DHCR24: variants seen among roughly 807,000 people sequenced by gnomAD.
The protein encoded by DHCR24 is delta(24)-sterol reductase.
Under a neutral mutation model 61.2 loss-of-function variants are expected in DHCR24, and 28 were observed. The observed-to-expected ratio is 0.46, with a 90% CI of 0.34 to 0.63. DHCR24 has a LOEUF of 0.63. Among genes scored for constraint, DHCR24 ranks in the 20% least tolerant of loss-of-function variants. The pLI, the probability that DHCR24 is intolerant of heterozygous loss-of-function variation, is 0.01. For missense variants in DHCR24, 538 were observed against 679.1 expected (o/e 0.79, Z 2.31); for synonymous variants, 261 against 275.9 (o/e 0.95, Z 0.54).
intron 2 of DHCR24, among the ~76,000 whole-genome samples, chr1:54,881,216 G>A (rs1448061667): frequency 2.0e-5 from 3 of 152,152 alleles, no homozygotes; most frequent in Non-Finnish European, 4.4e-5. Flanking sequence ...GAAAATATTT[G>A]CAAATCATGA....
chr1:54,858,176 T>G (rs1646918152), intron 6 of DHCR24, among the ~76,000 whole-genome samples: 1 of 152,376 alleles, frequency 6.6e-6, no homozygotes, highest in Non-Finnish European at 1.5e-5. Flanking sequence ...TTCCCCCAGC[T>G]GCACAGGGTG....
Position 54,853,713 on chromosome 1 carries a change from T to C in DHCR24, c.1219-101A>G, listed in dbSNP as rs940152156. ...CCACCCAAATGAAGGCTTTGCAGCA[T>C]TCTCAAGACCCCCTCAGGTGCTCTC... On this transcript the variant is annotated intron_variant, in intron 7 of 8. Coordinates refer to ENST00000371269, the MANE Select transcript of DHCR24 (RefSeq NM_014762.4). 3.7e-6 allele frequency: 5 copies of C among 1,353,238 alleles called. No individual in the cohort carries two copies. The East Asian group carries it at 1.2e-4, about 34-fold the overall frequency. 83.8% of individuals were successfully genotyped at this position (1,353,238 alleles called of 1,614,324 possible). A position where few individuals can be genotyped will look rare whatever the true frequency, so the allele number is the denominator to read the frequency against.
rs1210490459 is a variant in DHCR24 at position 54,852,243 on chromosome 1, G to A, written c.1541C>T (p.Ala514Val). 6.2e-7 allele frequency: 1 copy of A among 1,614,208 alleles called. No homozygotes were observed. Among genetic ancestry groups the A allele is most frequent in the Non-Finnish European group, 8.5e-7 (1 of 1,180,044 alleles). The change falls in exon 9 of 9, where the codon GCC becomes GTC. Residue 514 changes from alanine (A) to valine (V), a missense_variant. Coordinates refer to ENST00000371269, the MANE Select transcript of DHCR24 (RefSeq NM_014762.4). ...CAGGCGGGCTCCAGCTCAGTGCCTGGCGGCCTTGCAGATCTTGTCGTACAC... is the reference window on the plus strand; with the variant it reads ...CAGGCGGGCTCCAGCTCAGTGCCTGACGGCCTTGCAGATCTTGTCGTACAC... ...PEVYDKICKAARH is the reference protein window; with the variant it reads ...PEVYDKICKAVRH
intron 5 of DHCR24, among the ~76,000 whole-genome samples, chr1:54,865,889 G>A (rs148620059): frequency 8.7e-4 from 132 of 152,116 alleles, no homozygotes; most frequent in East Asian, 9.7e-4. Context: ...GGCACCAACT[G>A]GTCATGGCAC....
At chr1:54,863,434 C>T (rs11206456) in intron 6 of DHCR24, among the ~76,000 whole-genome samples, 13,678 of 152,224 alleles carry the variant, frequency 0.09, 692 homozygotes, top group Admixed American at 0.11. Context: ...GCCTCTGGTG[C>T]CTGTTTGACC....
At chr1:54,884,065 T>C (rs1046618817) in intron 1 of DHCR24, among the ~76,000 whole-genome samples, 3 of 152,240 alleles carry the variant, frequency 2.0e-5, no homozygotes, top group African/African-American at 4.8e-5. Flanking sequence ...AAAGGTTTTG[T>C]AATGGTGATA....
At chr1:54,864,988 G>A (rs1444085564) in intron 6 of DHCR24, among the ~76,000 whole-genome samples, 11 of 152,168 alleles carry the variant, frequency 7.2e-5, no homozygotes, top group Admixed American at 7.2e-4. Flanking sequence ...ACAGTGCAGG[G>A]ATCTGTCTGC....
At chr1:54,858,148 G>A (rs370361028) in intron 6 of DHCR24, among the ~76,000 whole-genome samples, 13 of 152,360 alleles carry the variant, frequency 8.5e-5, no homozygotes, top group South Asian at 4.1e-4. Flanking sequence ...GCAGATGCCC[G>A]CTCCAGGGAG....
At chr1:54,856,765 A>G (rs759777124) in intron 6 of DHCR24, among the ~76,000 whole-genome samples, 43 of 152,358 alleles carry the variant, frequency 2.8e-4, no homozygotes, top group Non-Finnish European at 4.9e-4. Context: ...TGTCAGAAAG[A>G]TAAATTCCTA....
intron 6 of DHCR24, among the ~76,000 whole-genome samples, chr1:54,861,877 A>G (rs72901600): frequency 0.013 from 1,909 of 152,072 alleles, 42 homozygotes; most frequent in African/African-American, 0.044. Flanking sequence ...AACCATCAAA[A>G]TCCTCTCCCC....
At position 54,883,852 on chromosome 1, in the gene DHCR24, C is replaced by T. The variant is rs1203845670; in HGVS notation, c.232-79G>A. On this transcript the variant is annotated intron_variant, in intron 1 of 8. Coordinates refer to ENST00000371269, the MANE Select transcript of DHCR24 (RefSeq NM_014762.4). The surrounding 1 kb of genome is among the most constrained non-coding windows in gnomAD (Gnocchi z 4.3). ...CCTGCAGCCCTGCTTTCTTCAAGGGCGAGCTGGGAATGATGCCTCCATCAG... is the reference window on the plus strand; with the variant it reads ...CCTGCAGCCCTGCTTTCTTCAAGGGTGAGCTGGGAATGATGCCTCCATCAG... The T allele has an allele frequency of 7.7e-5, 123 of 1,592,316 alleles. 1 individual carries two copies. Among genetic ancestry groups the T allele is most frequent in the Non-Finnish European group, 9.5e-5 (111 of 1,166,344 alleles).
At chr1:54,874,059 G>A (rs1647013517) in intron 4 of DHCR24, among the ~76,000 whole-genome samples, 1 of 152,212 alleles carries the variant, frequency 6.6e-6, no homozygotes, top group Admixed American at 6.5e-5. Context: ...CTGTACACCT[G>A]TACAATGTGT....
At chr1:54,886,456 G>A (rs758865503) in intron 1 of DHCR24, among the ~76,000 whole-genome samples, 3 of 152,010 alleles carry the variant, frequency 2.0e-5, no homozygotes, top group Admixed American at 6.5e-5. Context: ...ACGTTCTCCC[G>A]CCCCTGCCCT....
chr1:54,852,171 C>A lies in DHCR24; in HGVS notation c.*62G>T. The A allele has an allele frequency of 6.2e-7, 1 of 1,605,008 alleles. No individual in the cohort carries two copies. Among genetic ancestry groups the A allele is most frequent in the Non-Finnish European group, 8.5e-7 (1 of 1,173,664 alleles). On this transcript the variant is annotated 3_prime_UTR_variant, in exon 9 of 9. Coordinates refer to ENST00000371269, the MANE Select transcript of DHCR24 (RefSeq NM_014762.4). ...GTGTGGATCTAGGAAAGCAGCCAAG[C>A]TTGAGTGAAGGGAAGATGCCTGACC...
chr1:54,871,760 G>C, intron 4 of DHCR24, 147 bp from the exon 5 acceptor site: 15 of 1,210,444 alleles, frequency 1.2e-5, no homozygotes, highest in Non-Finnish European at 1.8e-5. Context: ...AACTGTGCTT[G>C]CTGGGCTTTA....
At chr1:54,859,317 A>T (rs1646923543) in intron 6 of DHCR24, among the ~76,000 whole-genome samples, 2 of 152,154 alleles carry the variant, frequency 1.3e-5, no homozygotes, top group African/African-American at 2.4e-5. Flanking sequence ...AGGACCACCC[A>T]GATCAGCCAC....
At position 54,856,010 on chromosome 1, in the gene DHCR24, G is replaced by A. The variant is rs112157071; in HGVS notation, c.1021-1776C>T. Among the ~76,000 whole-genome samples the A allele has an allele frequency of 9.7e-3, 1,477 of 151,530 alleles. 23 individuals are homozygous for A. Among genetic ancestry groups the A allele is most frequent in the African/African-American group, 0.034 (1,421 of 41,364 alleles). On this transcript the variant is annotated intron_variant, in intron 6 of 8. Transcript: ENST00000371269. ...CTACCCTTTGGGGGACATCTGATAC[G>A]GAGAAGCAGAGGAGCTTTGAAAAAA...
intron 6 of DHCR24, among the ~76,000 whole-genome samples, chr1:54,857,865 A>G (rs112246846): frequency 0.017 from 2,565 of 152,272 alleles, 66 homozygotes; most frequent in African/African-American, 0.055. Context: ...GGGGAAGGGA[A>G]GTGACTGGAC....
At chr1:54,862,447 C>T (rs1490704326) in intron 6 of DHCR24, among the ~76,000 whole-genome samples, 1 of 152,164 alleles carries the variant, frequency 6.6e-6, no homozygotes, top group Admixed American at 6.5e-5. Flanking sequence ...AGTTGCTGGT[C>T]TTCCTCCTGA....
Sources: gnomAD v4.1 joint callset for allele counts (sites outside exome capture counted in the v4.1 genomes callset) on GRCh38, gnomAD v4.1.1 for gene constraint, Gnocchi (gnomAD v3.1) non-coding constraint, MANE v1.5 for transcripts, NCBI Gene and HGNC (gene_info 2026-07-23, HGNC 2026-07-21) for gene names.